Variants in AOC1 observed in about 807,000 individuals in gnomAD.
AOC1 encodes the protein amine oxidase copper containing 1.
Under a neutral mutation model 57.1 loss-of-function variants are expected in AOC1, and 58 were observed. That is an observed-to-expected ratio of 1.02 (90% CI 0.82 to 1.26). The LOEUF (loss-of-function observed/expected upper bound fraction) is 1.26, where lower values mean the gene tolerates loss of function less well. Among genes scored for constraint, AOC1 ranks in the 50% most tolerant of loss-of-function variants. The pLI, the probability that AOC1 is intolerant of heterozygous loss-of-function variation, is 0.00. For synonymous variants in AOC1, 401 were observed against 423.4 expected, an observed-to-expected ratio of 0.95 and a Z score of 0.65; for missense variants, 917 against 1,005.3, an observed-to-expected ratio of 0.91 and a Z score of 1.19.
chr7:150,861,043 G>A lies in AOC1; in HGVS notation c.2090G>A (p.Arg697Gln), dbSNP rs371721868. The change falls in exon 5 of 5, where the codon CGG (arginine) becomes CAG (glutamine). Residue 697 changes from arginine to glutamine, a missense_variant. Arg to Gln is a conservative substitution (Grantham distance 43). Transcript: ENST00000360937. The surrounding 1 kb of genome is among the most constrained non-coding windows in gnomAD (Gnocchi z 4.5). ...TPGNSVGFLLRPFNFFPEDPS... is the reference protein window; with the variant it reads ...TPGNSVGFLLQPFNFFPEDPS... ...GGGAACTCCGTGGGCTTCCTGCTCC[G>A]GCCATTCAACTTCTTCCCAGAGGAC... 19 of 1,613,932 alleles carry A rather than the reference G, an allele frequency of 1.2e-5. No homozygotes were observed. The highest frequency in any genetic ancestry group is 2.2e-5 in the East Asian group (1 of 44,882).
intron 3 of AOC1, 139 bp from the exon 4 acceptor site, chr7:150,860,362 G>GACTCCCA (rs1799931064): frequency 2.1e-6 from 3 of 1,460,054 alleles, no homozygotes; most frequent in Non-Finnish European, 2.8e-6. Context: ...CCGTCCTGCT[G>GACTCCCA]ACTCCCAGGA....
rs745360637 is a variant in AOC1 at position 150,858,047 on chromosome 7, C to G, written c.1570+7C>G. 31 of 1,506,326 alleles carry G rather than the reference C, an allele frequency of 2.1e-5. No homozygotes were observed. The African/African-American group carries it at 4.0e-4, about 20-fold the overall frequency. The allele number at this position is 1,506,326 out of a possible 1,614,324, so 93.3% of individuals were successfully genotyped here. A position where few individuals can be genotyped will look rare whatever the true frequency, so the allele number is the denominator to read the frequency against. Reference sequence around the variant, plus strand: ...GTAGACCTGGATGTGGCAGGTAGGACTCAAAGCGAGACTCTCCCGTTCAAA... The same window carrying G: ...GTAGACCTGGATGTGGCAGGTAGGAGTCAAAGCGAGACTCTCCCGTTCAAA... On this transcript the variant is annotated splice_region_variant and intron_variant, in intron 2 of 4. Coordinates refer to ENST00000360937, the MANE Select transcript of AOC1 (RefSeq NM_001091.4).
In AOC1 at chr7:150,856,439, C is replaced by T. The variant is rs1248282037; in HGVS notation, c.-16-16C>T. The T allele has an allele frequency of 8.8e-6, 14 of 1,591,076 alleles. No homozygotes were observed. The highest frequency in any genetic ancestry group is 3.4e-4 in the Middle Eastern group (2 of 5,908). The stretch of plus-strand genomic sequence containing the variant: ...CCCATAAGACAACTAAGTTCATCTC[C>T]TCTATTGCATTCCAGAGCCGTGGAG... On this transcript the variant is annotated splice_polypyrimidine_tract_variant and intron_variant, in intron 1 of 4. Coordinates refer to ENST00000360937, the MANE Select transcript of AOC1 (RefSeq NM_001091.4). This position sits in a 1 kb window ranked among gnomAD's most constrained non-coding sequence, Gnocchi z 5.2.
chr7:150,860,750 A>G, intron 4 of AOC1, 117 bp downstream of exon 4: 1 of 1,404,282 alleles, frequency 7.1e-7, no homozygotes, highest in Non-Finnish European at 9.8e-7. Flanking sequence ...ATCTGTCCCC[A>G]GTCGCAGGAG....
In AOC1 at chr7:150,858,690, T is replaced by A. The variant is rs988375980; in HGVS notation, c.1571-73T>A. On this transcript the variant is annotated intron_variant, in intron 2 of 4. Transcript: ENST00000360937. ...TGTTGGATGTGGTGGAGGATGGAGATCCTGGGGTAGAATGAGGAGGTTTCA... is the reference window on the plus strand; with the variant it reads ...TGTTGGATGTGGTGGAGGATGGAGAACCTGGGGTAGAATGAGGAGGTTTCA... The A allele has an allele frequency of 8.9e-6, 13 of 1,462,674 alleles. No individual in the cohort carries two copies. In the Admixed American group the frequency reaches 2.5e-4, roughly 28 times the overall value. 90.6% of individuals were successfully genotyped at this position (1,462,674 alleles called of 1,614,324 possible). A position where few individuals can be genotyped will look rare whatever the true frequency, so the allele number is the denominator to read the frequency against.
intron 1 of AOC1, among the ~76,000 whole-genome samples, chr7:150,855,089 TA>T (rs367546550): frequency 7.2e-5 from 11 of 152,304 alleles, no homozygotes; most frequent in African/African-American, 2.6e-4. Context: ...ATCCACCTTA[TA>T]AATCAAGTGT....
rs1349063854 is a variant in AOC1, at chr7:150,856,822, C to A, written c.352C>A (p.Pro118Thr). 6.2e-7 allele frequency: 1 copy of A among 1,613,960 alleles called. No individual in the cohort carries two copies. Among genetic ancestry groups the A allele is most frequent in the African/African-American group, 1.3e-5 (1 of 74,938 alleles). The change falls in exon 2 of 5, where the codon CCC (proline) becomes ACC (threonine). Residue 118 changes from proline (P) to threonine (T), a missense_variant. Transcript: ENST00000360937. The surrounding 1 kb of genome is among the most constrained non-coding windows in gnomAD (Gnocchi z 5.2). ...HPNVTEFAVG[P>T]LPGPCYMRAL... Reference sequence around the variant, plus strand: ...CAATGTCACCGAGTTTGCTGTGGGGCCCCTGCCAGGGCCCTGCTACATGCG... The same window carrying A: ...CAATGTCACCGAGTTTGCTGTGGGGACCCTGCCAGGGCCCTGCTACATGCG...
rs1799964676 is a variant in AOC1 at position 150,861,360 on chromosome 7, A to ACG, written c.*152_*153insGC. On this transcript the variant is annotated 3_prime_UTR_variant, in exon 5 of 5. Transcript: ENST00000360937. This position sits in a 1 kb window ranked among gnomAD's most constrained non-coding sequence, Gnocchi z 4.5. Reference sequence around the variant, plus strand: ...AGGAAACACACGAACAGACGTGCACACACACAGACGTGCACACACACACAG... The same window carrying ACG: ...AGGAAACACACGAACAGACGTGCACACGCACACAGACGTGCACACACACACAG... 3 of 868,166 alleles carry ACG rather than the reference A, an allele frequency of 3.5e-6. No homozygotes were observed. Among genetic ancestry groups the ACG allele is most frequent in the Admixed American group, 2.9e-5 (1 of 33,908 alleles). The allele number at this position is 868,166 out of a possible 1,614,324, so 53.8% of individuals were successfully genotyped here.
At chr7:150,858,663 G>T in intron 2 of AOC1, 100 bp from the exon 3 acceptor site, 1 of 1,283,900 alleles carries the variant, frequency 7.8e-7, no homozygotes. Flanking sequence ...AAGACAGTTG[G>T]CTGTTGGATG....
At chr7:150,858,738 T>C (rs749108410) in intron 2 of AOC1, 25 bp from the exon 3 acceptor site, 2 of 1,568,514 alleles carry the variant, frequency 1.3e-6, no homozygotes, top group Non-Finnish European at 1.7e-6. Flanking sequence ...TGATTCTCGT[T>C]CTCCTTCTCC....
Position 150,852,967 on chromosome 7 carries a change from C to T in AOC1, c.-17+409C>T, listed in dbSNP as rs1321091922. On this transcript the variant is annotated intron_variant, in intron 1 of 4. Coordinates refer to ENST00000360937, the MANE Select transcript of AOC1 (RefSeq NM_001091.4). This position sits in a 1 kb window ranked among gnomAD's most constrained non-coding sequence, Gnocchi z 4.6. ...GAGGTTGTAAAAAAGGAGACCCAGC[C>T]GTGAAAGGACATGGAGGTACCCTAA... 1.3e-5 allele frequency among the ~76,000 whole-genome samples: 2 copies of T among 151,984 alleles called. No homozygotes were observed. The highest frequency in any genetic ancestry group is 4.8e-5 in the African/African-American group (2 of 41,352).
rs752546192 is a variant in AOC1 at position 150,857,928 on chromosome 7, C to T, written c.1458C>T (p.His486=). 24 of 1,612,128 alleles carry T rather than the reference C, an allele frequency of 1.5e-5. No homozygotes were observed. The East Asian group carries it at 3.3e-4, about 22-fold the overall frequency. ...AGATGCATGCCACTGGCTACGTCCACGCCACCTTCTACACCCCCGAGGGGC... is the reference window on the plus strand; with the variant it reads ...AGATGCATGCCACTGGCTACGTCCATGCCACCTTCTACACCCCCGAGGGGC... ...EAKMHATGYV[H]ATFYTPEGLR... The change falls in exon 2 of 5, where the codon CAC becomes CAT. Residue 486 remains histidine (H), a synonymous_variant. Coordinates refer to ENST00000360937, the MANE Select transcript of AOC1 (RefSeq NM_001091.4). This position sits in a 1 kb window ranked among gnomAD's most constrained non-coding sequence, Gnocchi z 6.6.
Position 150,856,637 on chromosome 7 carries a change from T to C in AOC1, c.167T>C (p.Leu56Pro), listed in dbSNP as rs1201792391. 1.2e-6 allele frequency: 2 copies of C among 1,614,138 alleles called. No individual in the cohort carries two copies. The highest frequency in any genetic ancestry group is 2.2e-5 in the South Asian group (2 of 91,086). ...CTCTGGTCCAAGAAGGAGCTGAGGC[T>C]GCAGCCCTCCAGTACCACCACCATG... Reference protein sequence around the residue: ...SFLWSKKELRLQPSSTTTMAK... With the variant: ...SFLWSKKELRPQPSSTTTMAK... The change falls in exon 2 of 5, where the codon CTG becomes CCG. Residue 56 changes from leucine to proline, a missense_variant. Transcript: ENST00000360937. The surrounding 1 kb of genome is among the most constrained non-coding windows in gnomAD (Gnocchi z 5.2).
At position 150,856,883 on chromosome 7, in the gene AOC1, G is replaced by A; in HGVS notation, c.413G>A (p.Trp138Ter). ...CCCAGGCCTGGGTACCAGTCCTCCT[G>A]GGCATCGAGGCCCATCTCCACAGCA... ...LSPRPGYQSSWASRPISTAEY... is the reference protein window; with the variant it reads ...LSPRPGYQSS Residue 138 changes from tryptophan to a stop codon, truncating the protein, a stop_gained, in exon 2 of 5, where the codon TGG becomes TAG. Coordinates refer to ENST00000360937, the MANE Select transcript of AOC1 (RefSeq NM_001091.4). LOFTEE classifies it high-confidence loss of function. The surrounding 1 kb of genome is among the most constrained non-coding windows in gnomAD (Gnocchi z 5.2). The A allele has an allele frequency of 6.2e-7, 1 of 1,614,042 alleles. No individual in the cohort carries two copies. Among genetic ancestry groups the A allele is most frequent in the Non-Finnish European group, 8.5e-7 (1 of 1,179,972 alleles).
chr7:150,852,365 G>C (rs139460179), upstream of AOC1: 54 of 152,438 alleles, frequency 3.5e-4, no homozygotes, highest in African/African-American at 1.2e-3. This position sits in a 1 kb window ranked among gnomAD's most constrained non-coding sequence, Gnocchi z 4.6. Flanking sequence ...TGCACAGCCA[G>C]CTTCCTCAAA....
In AOC1 at chr7:150,853,040, G is replaced by A. The variant is rs1799665732; in HGVS notation, c.-17+482G>A. Among the ~76,000 whole-genome samples, 7 of 152,208 alleles carry A rather than the reference G, an allele frequency of 4.6e-5. No individual in the cohort carries two copies. In the South Asian group the frequency reaches 1.4e-3, roughly 32 times the overall value. On this transcript the variant is annotated intron_variant, in intron 1 of 4. Transcript: ENST00000360937. ...AGCCAATCTGAAAAGGCTGCAGACT[G>A]TAAGATTCCAAATACAGGACGTTCT...
intron 1 of AOC1, among the ~76,000 whole-genome samples, chr7:150,855,410 G>C (rs1479645334): frequency 6.6e-6 from 1 of 152,196 alleles, no homozygotes; most frequent in African/African-American, 2.4e-5. Context: ...GGAAGACAGA[G>C]CTGTGGCCAC....
At chr7:150,859,314 C>T (rs1799894916) in intron 3 of AOC1, among the ~76,000 whole-genome samples, 1 of 152,186 alleles carries the variant, frequency 6.6e-6, no homozygotes, top group Non-Finnish European at 1.5e-5. Flanking sequence ...AGCCTTACCA[C>T]TAACAGAAAC....
Position 150,857,710 on chromosome 7 carries a change from C to T in AOC1, c.1240C>T (p.Arg414Ter), listed in dbSNP as rs202107303. The change falls in exon 2 of 5, where the codon CGA (arginine) becomes TGA (stop). Residue 414 changes from arginine (R) to a stop codon, truncating the protein, a stop_gained. Transcript: ENST00000360937. LOFTEE classifies it high-confidence loss of function. The surrounding 1 kb of genome is among the most constrained non-coding windows in gnomAD (Gnocchi z 6.6). ...TGCCGATGACCCGGTCCATTATCCC[C>T]GAGCCCTCTGCCTCTTTGAAATGCC... ...YDADDPVHYPRALCLFEMPTG... is the reference protein window; with the variant it reads ...YDADDPVHYP The T allele has an allele frequency of 2.4e-5, 38 of 1,614,032 alleles. No homozygotes were observed. Among genetic ancestry groups the T allele is most frequent in the East Asian group, 4.5e-5 (2 of 44,898 alleles).
Sources: gnomAD v4.1 joint callset for allele counts (sites outside exome capture counted in the v4.1 genomes callset) on GRCh38, gnomAD v4.1.1 for gene constraint, Gnocchi (gnomAD v3.1) non-coding constraint, MANE v1.5 for transcripts, NCBI Gene and HGNC (gene_info 2026-07-23, HGNC 2026-07-21) for gene names.